The following PDE1C variants were observed in gnomAD, a reference collection of about 807,000 sequenced individuals.
PDE1C encodes the protein phosphodiesterase 1C.
A neutral mutation model predicts 93.1 loss-of-function variants in PDE1C; 62 were observed. That is an observed-to-expected ratio of 0.67 (90% CI 0.54 to 0.82). The LOEUF (loss-of-function observed/expected upper bound fraction) is 0.82, where lower values mean the gene tolerates loss of function less well. Ranked by LOEUF, PDE1C falls within the 40% of genes least tolerant of loss-of-function variation. The pLI, the probability that PDE1C is intolerant of heterozygous loss-of-function variation, is 0.00. For missense variants in PDE1C, 742 were observed against 884.6 expected (o/e 0.84, Z 2.04); for synonymous variants, 325 against 310.1 (o/e 1.05, Z -0.50).
At chr7:31,918,681 A>G (rs1454121194) in intron 2 of PDE1C, among the ~76,000 whole-genome samples, 1 of 152,136 alleles carries the variant, frequency 6.6e-6, no homozygotes, top group Non-Finnish European at 1.5e-5. Context: ...TATCATTTCC[A>G]GCTTTCAATT....
intron 16 of PDE1C, among the ~76,000 whole-genome samples, chr7:31,794,046 A>AGATAGACG (rs1784935319): frequency 6.7e-5 from 7 of 104,912 alleles, no homozygotes; most frequent in African/African-American, 2.7e-4. Flanking sequence ...ATAGATAGAC[A>AGATAGACG]GACAGACAGA....
chr7:31,967,260 A>G (rs1810150103), intron 2 of PDE1C, among the ~76,000 whole-genome samples: 1 of 152,226 alleles, frequency 6.6e-6, no homozygotes. Flanking sequence ...AGACGCAATA[A>G]AAAGTGATAA....
chr7:32,206,518 T>G (rs1384555069), intron 2 of PDE1C, among the ~76,000 whole-genome samples: 1 of 152,124 alleles, frequency 6.6e-6, no homozygotes, highest in East Asian at 1.9e-4. Flanking sequence ...CCAGCTGACT[T>G]CATCCCAGAA....
intron 7 of PDE1C, among the ~76,000 whole-genome samples, chr7:31,863,502 C>G (rs539456050): frequency 3.0e-4 from 45 of 152,184 alleles, no homozygotes; most frequent in African/African-American, 1.1e-3. Context: ...AACCATCATT[C>G]AATATGATGC....
intron 3 of PDE1C, among the ~76,000 whole-genome samples, chr7:32,125,037 C>G (rs1475876581): frequency 6.6e-6 from 1 of 151,884 alleles, no homozygotes; most frequent in Non-Finnish European, 1.5e-5. Context: ...AAAAAGCAAC[C>G]CCATCAAAAA....
chr7:31,970,516 T>C (rs1245207912), intron 2 of PDE1C, among the ~76,000 whole-genome samples: 1 of 152,232 alleles, frequency 6.6e-6, no homozygotes, highest in African/African-American at 2.4e-5. Flanking sequence ...TTAGAAGTAT[T>C]CAATTGTTCT....
At chr7:31,856,411 C>T (rs1794023865) in intron 7 of PDE1C, among the ~76,000 whole-genome samples, 1 of 152,148 alleles carries the variant, frequency 6.6e-6, no homozygotes, top group Non-Finnish European at 1.5e-5. Flanking sequence ...GAGAAATGAG[C>T]TCATTTAAGA....
At chr7:32,065,503 T>C (rs944376969) in intron 1 of PDE1C, among the ~76,000 whole-genome samples, 1 of 152,214 alleles carries the variant, frequency 6.6e-6, no homozygotes, top group African/African-American at 2.4e-5. Context: ...CCTGGAACTA[T>C]ATTCATCACC....
downstream of PDE1C, among the ~76,000 whole-genome samples, chr7:31,748,288 G>T: frequency 7.0e-6 from 1 of 143,234 alleles, no homozygotes; most frequent in Non-Finnish European, 1.5e-5. Flanking sequence ...TCTTACAAAA[G>T]TTTGGAATCT....
At chr7:31,927,362 G>C (rs1053966304) in intron 2 of PDE1C, among the ~76,000 whole-genome samples, 3 of 152,172 alleles carry the variant, frequency 2.0e-5, no homozygotes, top group Non-Finnish European at 2.9e-5. Context: ...GGCAGTTGTG[G>C]GTGCGGCTTT....
intron 3 of PDE1C, among the ~76,000 whole-genome samples, chr7:32,126,709 G>A (rs1799600381): frequency 6.6e-6 from 1 of 152,096 alleles, no homozygotes; most frequent in Non-Finnish European, 1.5e-5. Context: ...TGAAATAGAA[G>A]AGTGAAATAA....
At chr7:31,762,204 T>G (rs1794874389) in intron 17 of PDE1C, among the ~76,000 whole-genome samples, 1 of 152,210 alleles carries the variant, frequency 6.6e-6, no homozygotes, top group Non-Finnish European at 1.5e-5. Context: ...GAAATACAAT[T>G]TAGCAACTTT....
chr7:31,697,099 A>G, the PDE1C span: 1 of 1,613,980 alleles, frequency 6.2e-7, no homozygotes, highest in Non-Finnish European at 8.5e-7. Flanking sequence ...TGCCCTGCAC[A>G]TGTCCCCCTT....
intron 16 of PDE1C, among the ~76,000 whole-genome samples, chr7:31,798,047 A>G (rs1210189213): frequency 6.6e-6 from 1 of 151,754 alleles, no homozygotes; most frequent in African/African-American, 2.4e-5. Flanking sequence ...ATCACAATTC[A>G]TCAACTAAGT....
At chr7:31,625,371 C>G in the PDE1C span, among the ~76,000 whole-genome samples, 1 of 151,830 alleles carries the variant, frequency 6.6e-6, no homozygotes, top group African/African-American at 2.4e-5. Flanking sequence ...TGGAACCAAC[C>G]CAAATGTCCA....
At chr7:32,165,366 T>C (rs2128801059) in intron 3 of PDE1C, among the ~76,000 whole-genome samples, 2 of 152,314 alleles carry the variant, frequency 1.3e-5, no homozygotes, top group East Asian at 3.9e-4. Context: ...ATTTCAAAGA[T>C]TTTAAAACAG....
chr7:32,320,290 C>T (rs1404908139), intron 1 of PDE1C, among the ~76,000 whole-genome samples: 1 of 151,910 alleles, frequency 6.6e-6, no homozygotes. Context: ...CTTGGTTAGT[C>T]GATTTGCTTT....
chr7:32,199,769 A>C (rs540378226), intron 2 of PDE1C, among the ~76,000 whole-genome samples: 1 of 152,196 alleles, frequency 6.6e-6, no homozygotes, highest in South Asian at 2.1e-4. Flanking sequence ...CACAGGTTGA[A>C]CATCCCTAAT....
the PDE1C span, among the ~76,000 whole-genome samples, chr7:31,675,992 C>A: frequency 1.3e-5 from 2 of 152,110 alleles, no homozygotes; most frequent in East Asian, 3.9e-4. Context: ...CATTGGCTCC[C>A]ATCTCCCAGA....
Sources: allele counts gnomAD v4.1 joint callset (sites outside exome capture counted in the v4.1 genomes callset), GRCh38; gene constraint gnomAD v4.1.1; transcripts MANE v1.5; gene names NCBI Gene and HGNC (gene_info 2026-07-23, HGNC 2026-07-21).